HDGF: variants seen among roughly 807,000 people sequenced by gnomAD.
HDGF encodes heparin binding growth factor.
HDGF carries 5 observed loss-of-function variants against 30.0 expected under a neutral mutation model. The ratio of observed to expected loss-of-function variants is 0.17; its 90% confidence interval spans 0.09 to 0.35. The LOEUF is 0.35. HDGF is among the 10% of genes least tolerant of loss of function. The pLI is 1.00. For synonymous variants in HDGF, 133 were observed against 112.7 expected (o/e 1.18, Z -1.14); for missense variants, 214 against 302.8 (o/e 0.71, Z 2.18).
upstream of HDGF, chr1:156,752,247 G>A: frequency 6.4e-7 from 1 of 1,551,814 alleles, no homozygotes; most frequent in South Asian, 1.2e-5. Context: ...GGGTGGCCCT[G>A]GAAACGTCGG....
chr1:156,761,630 C>CAA (rs202167835), intron 1 of HDGF, among the ~76,000 whole-genome samples: 1 of 132,596 alleles, frequency 7.5e-6, no homozygotes, highest in Non-Finnish European at 1.6e-5. Flanking sequence ...AAACAAAAAA[C>CAA]AAAAAAAAAA....
chr1:156,758,808 A>G (rs1452913022), intron 2 of HDGF, among the ~76,000 whole-genome samples: 8 of 152,138 alleles, frequency 5.3e-5, no homozygotes, highest in Non-Finnish European at 8.8e-5. Context: ...CCTGAGTCAG[A>G]CACCCCCTAG....
Position 156,743,842 on chromosome 1 carries a change from C to G in HDGF, c.526G>C (p.Glu176Gln), listed in dbSNP as rs200554626. 3.1e-6 allele frequency: 5 copies of G among 1,613,444 alleles called. No individual in the cohort carries two copies. In the African/African-American group the frequency reaches 5.3e-5, roughly 17 times the overall value. Reference protein sequence around the residue: ...PKRPKEAENPEGEEKEAATLE... With the variant: ...PKRPKEAENPQGEEKEAATLE... Reference sequence around the variant, plus strand: ...GTGGCTGCCTCCTTCTCCTCTCCTTCAGGGTTTTCTGCCTCCTTGGGACGT... The same window carrying G: ...GTGGCTGCCTCCTTCTCCTCTCCTTGAGGGTTTTCTGCCTCCTTGGGACGT... Residue 176 changes from glutamate (E) to glutamine (Q), a missense_variant, in exon 5 of 6, where the codon GAA (glutamate) becomes CAA (glutamine). Physicochemically the swap from Glu to Gln is conservative, Grantham distance 29. Transcript: ENST00000357325.
intron 1 of HDGF, among the ~76,000 whole-genome samples, chr1:156,766,455 A>G (rs1288349865): frequency 3.9e-5 from 6 of 152,148 alleles, no homozygotes; most frequent in African/African-American, 1.4e-4. Flanking sequence ...TCACAGGCAG[A>G]CAGGAAGGGG....
In HDGF at chr1:156,751,557, G is replaced by A. The variant is rs1650979638; in HGVS notation, c.-128C>T. ...GGCCCCCGCCTCGATGGTGGCCCCC[G>A]GCCCGAGCTCCGGCGCGGCCACGGC... On this transcript the variant is annotated 5_prime_UTR_variant, in exon 1 of 6. Transcript: ENST00000357325. This position sits in a 1 kb window ranked among gnomAD's most constrained non-coding sequence, Gnocchi z 4.7. 1 of 993,476 alleles carries A rather than the reference G, an allele frequency of 1.0e-6. No individual in the cohort carries two copies. The highest frequency in any genetic ancestry group is 1.2e-6 in the Non-Finnish European group (1 of 835,288). 61.5% of individuals were successfully genotyped at this position (993,476 alleles called of 1,614,324 possible).
Position 156,758,080 on chromosome 1 carries a change from C to G in HDGF, n.373+903G>C, listed in dbSNP as rs533743421. Among the ~76,000 whole-genome samples the G allele has an allele frequency of 6.2e-4, 89 of 144,552 alleles. 1 individual carries two copies. The highest frequency in any genetic ancestry group is 2.2e-3 in the African/African-American group (85 of 38,938). 94.8% of individuals were successfully genotyped at this position (144,552 alleles called of 152,430 possible). ...TGGGAGGCTGAGGTGGGTGGATCAT[C>G]TGAGGTCAGGAGTTCGAGACCAGCC... On this transcript the variant is annotated intron_variant and non_coding_transcript_variant, in intron 2 of 7. Transcript: ENST00000465180.
intron 1 of HDGF, among the ~76,000 whole-genome samples, chr1:156,764,128 G>A (rs1558040927): frequency 1.3e-5 from 2 of 152,152 alleles, no homozygotes; most frequent in East Asian, 3.9e-4. Flanking sequence ...GTTTCACCAC[G>A]CCTGGTCTCC....
At chr1:156,763,084 G>A (rs940965323) in intron 1 of HDGF, among the ~76,000 whole-genome samples, 2 of 151,996 alleles carry the variant, frequency 1.3e-5, no homozygotes, top group African/African-American at 2.4e-5. Flanking sequence ...CTTCTCTTCC[G>A]AACTCTCCAT....
intron 1 of HDGF, among the ~76,000 whole-genome samples, chr1:156,748,414 A>G (rs191588858): frequency 1.3e-5 from 2 of 152,276 alleles, no homozygotes; most frequent in Admixed American, 6.5e-5. Flanking sequence ...ACTCAAAACA[A>G]GTGAGTCAAG....
chr1:156,751,844 C>T (rs1341512975), upstream of HDGF: 1 of 950,908 alleles, frequency 1.1e-6, no homozygotes. This position sits in a 1 kb window ranked among gnomAD's most constrained non-coding sequence, Gnocchi z 4.7. Flanking sequence ...ACGCCCAGGG[C>T]CTGCCACGGC....
Position 156,743,044 on chromosome 1 carries a change from C to G in HDGF, c.*405G>C, listed in dbSNP as rs1650239835. 5.9e-6 allele frequency: 1 copy of G among 170,300 alleles called. No homozygotes were observed. Among genetic ancestry groups the G allele is most frequent in the Non-Finnish European group, 1.3e-5 (1 of 79,852 alleles). The allele number at this position is 170,300 out of a possible 1,614,324, so 10.5% of individuals were successfully genotyped here. On this transcript the variant is annotated 3_prime_UTR_variant, in exon 6 of 6. Coordinates refer to ENST00000357325, the MANE Select transcript of HDGF (RefSeq NM_004494.3). Reference sequence around the variant, plus strand: ...CCACAAGCCCACCCTGCTGTTGATGCTCCATCCTTTCCATTCCTACCCCTG... The same window carrying G: ...CCACAAGCCCACCCTGCTGTTGATGGTCCATCCTTTCCATTCCTACCCCTG...
chr1:156,750,734 A>T (rs1650910513), intron 1 of HDGF: 1 of 152,316 alleles, frequency 6.6e-6, no homozygotes, highest in Non-Finnish European at 1.5e-5. Flanking sequence ...CAAGCCAGGT[A>T]GATCCCCTTA....
chr1:156,751,689 C>G, upstream of HDGF: 1 of 1,153,512 alleles, frequency 8.7e-7, no homozygotes, highest in Non-Finnish European at 1.1e-6. This position sits in a 1 kb window ranked among gnomAD's most constrained non-coding sequence, Gnocchi z 4.7. Context: ...TTCAATTGCT[C>G]CCTCCTCTGC....
intron 1 of HDGF, among the ~76,000 whole-genome samples, chr1:156,760,499 A>G (rs190761001): frequency 7.0e-4 from 106 of 152,332 alleles, no homozygotes; most frequent in African/African-American, 2.2e-3. Flanking sequence ...GGGGACTGAA[A>G]GGCTGTTTCT....
At chr1:156,760,956 G>A (rs111792583) in intron 1 of HDGF, among the ~76,000 whole-genome samples, 4 of 152,044 alleles carry the variant, frequency 2.6e-5, no homozygotes, top group African/African-American at 4.8e-5. Flanking sequence ...CACTTTGAGC[G>A]GCTGAGGCAG....
At chr1:156,752,634 C>T (rs556366168), upstream of HDGF, among the ~76,000 whole-genome samples, 41 of 152,104 alleles carry the variant, frequency 2.7e-4, no homozygotes, top group Non-Finnish European at 5.4e-4. Flanking sequence ...TACATTTTGG[C>T]CTAGGTTATA....
intron 1 of HDGF, among the ~76,000 whole-genome samples, chr1:156,765,878 A>T (rs1651360144): frequency 6.6e-6 from 1 of 152,196 alleles, no homozygotes; most frequent in Non-Finnish European, 1.5e-5. Flanking sequence ...AGCAGATTTT[A>T]GAAATCAACA....
chr1:156,752,171 G>A, upstream of HDGF: 1 of 1,551,704 alleles, frequency 6.4e-7, no homozygotes, highest in East Asian at 2.4e-5. Flanking sequence ...AGGGCGAGAG[G>A]AGTGGGCGCC....
chr1:156,744,566 G>A (rs906377928), intron 3 of HDGF: 2 of 1,529,594 alleles, frequency 1.3e-6, no homozygotes, highest in African/African-American at 1.4e-5. Context: ...CAGGAGGGGG[G>A]AGGGCTGGAG....
Sources: gnomAD v4.1 joint callset for allele counts (sites outside exome capture counted in the v4.1 genomes callset) on GRCh38, gnomAD v4.1.1 for gene constraint, Gnocchi (gnomAD v3.1) non-coding constraint, MANE v1.5 for transcripts, NCBI Gene and HGNC (gene_info 2026-07-23, HGNC 2026-07-21) for gene names.